SPIDR: variants seen among roughly 807,000 people sequenced by gnomAD.
SPIDR encodes scaffold protein involved in DNA repair.
Under a neutral mutation model 104.6 loss-of-function variants are expected in SPIDR, and 93 were observed. The ratio of observed to expected loss-of-function variants is 0.89; its 90% CI spans 0.75 to 1.06. SPIDR has a LOEUF of 1.06. Among genes scored for constraint, SPIDR ranks in the 50% least tolerant of loss-of-function variants. SPIDR has a pLI of 0.00. For synonymous variants in SPIDR, 431 were observed against 416.9 expected (o/e 1.03, Z -0.41); for missense variants, 1,154 against 1,111.2 (o/e 1.04, Z -0.55).
upstream of SPIDR, chr8:47,260,932 C>T (rs913966101): frequency 4.2e-5 from 52 of 1,225,252 alleles, 1 homozygote; most frequent in Middle Eastern, 6.3e-4. Context: ...GCTGAGGAGG[C>T]GGTGCGCTCA....
intron 8 of SPIDR, among the ~76,000 whole-genome samples, chr8:47,443,080 A>G (rs978555392): frequency 2.2e-4 from 34 of 152,192 alleles, no homozygotes; most frequent in Non-Finnish European, 8.8e-5. Context: ...AAGATTATCT[A>G]CAAAGATTTA....
At chr8:47,358,311 C>T (rs1373414825) in intron 5 of SPIDR, among the ~76,000 whole-genome samples, 1 of 152,164 alleles carries the variant, frequency 6.6e-6, no homozygotes, top group African/African-American at 2.4e-5. Flanking sequence ...TGGTCTCAAA[C>T]TCCTGGGCAC....
chr8:47,402,079 T>C (rs996732113), intron 6 of SPIDR, among the ~76,000 whole-genome samples: 14 of 152,202 alleles, frequency 9.2e-5, no homozygotes, highest in African/African-American at 3.4e-4. Context: ...ACCACATAGT[T>C]GGAAGTAAAG....
chr8:47,732,010 T>C (rs1472935733), intron 19 of SPIDR: 2 of 624,596 alleles, frequency 3.2e-6, no homozygotes, highest in Non-Finnish European at 5.7e-6. Flanking sequence ...TGCTCCATGC[T>C]ACTCAGAAGG....
chr8:47,588,322 CTT>C (rs764362860), intron 8 of SPIDR, among the ~76,000 whole-genome samples: 14 of 132,660 alleles, frequency 1.1e-4, no homozygotes, highest in Admixed American at 3.0e-4. Flanking sequence ...TTATTTTGGT[CTT>C]TTTTTTTTTT....
chr8:47,578,428 C>T (rs1427119005), intron 8 of SPIDR, among the ~76,000 whole-genome samples: 9 of 151,842 alleles, frequency 5.9e-5, no homozygotes, highest in Non-Finnish European at 1.3e-4. Context: ...GCAGAGATGG[C>T]GCCATTGCAC....
chr8:47,512,306 TG>T (rs1184758831), intron 8 of SPIDR, among the ~76,000 whole-genome samples: 5 of 152,186 alleles, frequency 3.3e-5, no homozygotes, highest in African/African-American at 1.2e-4. Context: ...ACTCTTGTGT[TG>T]TTCGTCTCAC....
intron 5 of SPIDR, among the ~76,000 whole-genome samples, chr8:47,351,461 G>A (rs782386985): frequency 4.6e-5 from 7 of 152,198 alleles, no homozygotes; most frequent in African/African-American, 9.7e-5. Context: ...AAAGAGCTGG[G>A]ATGAAACAGG....
intron 5 of SPIDR, among the ~76,000 whole-genome samples, chr8:47,345,051 G>C (rs1411494202): frequency 6.6e-6 from 1 of 152,148 alleles, no homozygotes; most frequent in Admixed American, 6.5e-5. Context: ...CCTATGTCCT[G>C]AATGGTATTG....
intron 5 of SPIDR, among the ~76,000 whole-genome samples, chr8:47,334,447 GGTATATACAT>G (rs1241875694): frequency 2.0e-5 from 3 of 152,114 alleles, no homozygotes; most frequent in African/African-American, 7.2e-5. Flanking sequence ...TCTGTTGATA[GGTATATACAT>G]GTAAAGGATT....
intron 6 of SPIDR, among the ~76,000 whole-genome samples, chr8:47,404,575 A>G (rs1223850215): frequency 6.6e-6 from 1 of 152,270 alleles, no homozygotes; most frequent in Non-Finnish European, 1.5e-5. Flanking sequence ...GAGGACATTT[A>G]TGCAGCCAAT....
rs2045454512 is a variant in SPIDR, at chr8:47,316,847, AG to A, written c.525+22818del. ...ATTGTATATAAAACCTACTGAAAAAAGTAAATACATATTAATAGAAATATAC... is the reference window on the plus strand; with the variant it reads ...ATTGTATATAAAACCTACTGAAAAAATAAATACATATTAATAGAAATATAC... On this transcript the variant is annotated intron_variant, in intron 5 of 19. Transcript: ENST00000297423. 2.0e-5 allele frequency among the ~76,000 whole-genome samples: 3 copies of A among 152,362 alleles called. No homozygotes were observed. In the South Asian group the frequency reaches 6.2e-4, roughly 32 times the overall value.
chr8:47,464,148 A>G (rs1242679604), intron 8 of SPIDR, among the ~76,000 whole-genome samples: 1 of 150,222 alleles, frequency 6.7e-6, no homozygotes, highest in Non-Finnish European at 1.5e-5. Flanking sequence ...ACACACACAC[A>G]CACACACAGA....
intron 8 of SPIDR, among the ~76,000 whole-genome samples, chr8:47,544,835 T>C (rs2088950184): frequency 6.6e-6 from 1 of 152,226 alleles, no homozygotes; most frequent in Non-Finnish European, 1.5e-5. Context: ...AGAGTAATTT[T>C]ATCTCCACAA....
intron 8 of SPIDR, among the ~76,000 whole-genome samples, chr8:47,560,815 T>A (rs531713113): frequency 2.6e-5 from 4 of 152,326 alleles, no homozygotes; most frequent in African/African-American, 7.2e-5. Context: ...TTTGCCACTT[T>A]AAGAGTTAGC....
At chr8:47,433,124 A>G (rs558049844) in intron 7 of SPIDR, among the ~76,000 whole-genome samples, 1 of 152,300 alleles carries the variant, frequency 6.6e-6, no homozygotes, top group East Asian at 1.9e-4. Context: ...CACTGGAGTC[A>G]TTCTTGTACT....
intron 5 of SPIDR, among the ~76,000 whole-genome samples, chr8:47,302,705 G>A (rs1240604068): frequency 6.6e-6 from 1 of 152,174 alleles, no homozygotes; most frequent in African/African-American, 2.4e-5. Flanking sequence ...TTTGGTGGAG[G>A]TCCACTCCAG....
intron 8 of SPIDR, among the ~76,000 whole-genome samples, chr8:47,495,755 G>A (rs887483521): frequency 6.6e-6 from 1 of 152,032 alleles, no homozygotes; most frequent in African/African-American, 2.4e-5. Context: ...TTTTGCCTGA[G>A]AATATCCAGT....
intron 8 of SPIDR, among the ~76,000 whole-genome samples, chr8:47,510,208 C>CA (rs1448040345): frequency 1.3e-5 from 2 of 151,990 alleles, no homozygotes; most frequent in Non-Finnish European, 2.9e-5. Flanking sequence ...CATTATTAAT[C>CA]AAAAAAAGTT....
Sources: allele counts gnomAD v4.1 joint callset (sites outside exome capture counted in the v4.1 genomes callset), GRCh38; gene constraint gnomAD v4.1.1; transcripts MANE v1.5; gene names NCBI Gene and HGNC (gene_info 2026-07-23, HGNC 2026-07-21).